The following SYN2 variants were observed in gnomAD, a reference collection of about 807,000 sequenced individuals.
The protein encoded by SYN2 is synapsin-2.
SYN2 carries 19 observed loss-of-function variants against 50.9 expected under a neutral mutation model. The observed-to-expected ratio is 0.37, with a 90% CI of 0.26 to 0.55. The LOEUF is 0.55. Among genes scored for constraint, SYN2 ranks in the 20% least tolerant of loss-of-function variants. The probability of loss-of-function intolerance (pLI) is 0.81; values close to 1 mark genes in which losing one functional copy is unlikely to be tolerated. For synonymous variants in SYN2, 255 were observed against 224.9 expected, an observed-to-expected ratio of 1.13 and a Z score of -1.20; for missense variants, 587 against 576.4, an observed-to-expected ratio of 1.02 and a Z score of -0.19.
intron 1 of SYN2, among the ~76,000 whole-genome samples, chr3:12,075,925 A>G (rs923445917): frequency 3.3e-4 from 50 of 152,146 alleles, no homozygotes; most frequent in African/African-American, 1.1e-3. Flanking sequence ...AATGCTTACT[A>G]TTTGCCAGTC....
intron 7 of SYN2, 111 bp downstream of exon 7, chr3:12,162,265 T>G: frequency 7.2e-7 from 1 of 1,384,494 alleles, no homozygotes; most frequent in South Asian, 1.5e-5. Flanking sequence ...TCAGAGATTT[T>G]TTTACCTGGG....
chr3:12,041,407 G>C (rs1308313192), intron 1 of SYN2, among the ~76,000 whole-genome samples: 2 of 152,196 alleles, frequency 1.3e-5, no homozygotes, highest in Non-Finnish European at 2.9e-5. Context: ...GCTTGCCTCT[G>C]TGTCCTCCAA....
intron 1 of SYN2, among the ~76,000 whole-genome samples, chr3:12,123,979 C>T (rs2125204445): frequency 6.6e-6 from 1 of 152,234 alleles, no homozygotes; most frequent in East Asian, 1.9e-4. Context: ...CCACTACACT[C>T]CAGCCTGGCA....
intron 1 of SYN2, among the ~76,000 whole-genome samples, chr3:12,020,900 T>C (rs307613): frequency 0.73 from 111,447 of 152,108 alleles, 41,081 homozygotes; most frequent in Admixed American, 0.8. Context: ...ATTATATCAG[T>C]ATGATTAAAG....
chr3:12,085,696 A>G (rs1227159068), intron 1 of SYN2, among the ~76,000 whole-genome samples: 2 of 152,216 alleles, frequency 1.3e-5, no homozygotes, highest in African/African-American at 4.8e-5. Context: ...AATAAAAAAT[A>G]TTTTAAGACA....
chr3:12,157,017 AGCCTAAAAAT>A (rs1254124118), intron 5 of SYN2: 1 of 1,002,208 alleles, frequency 1.0e-6, no homozygotes, highest in Admixed American at 2.3e-5. Flanking sequence ...CTCACTTCTC[AGCCTAAAAAT>A]GTAAGCAAAA....
chr3:12,122,201 G>C (rs896276912), intron 1 of SYN2, among the ~76,000 whole-genome samples: 1 of 152,154 alleles, frequency 6.6e-6, no homozygotes, highest in Non-Finnish European at 1.5e-5. Context: ...TGCTGAATTG[G>C]AGTATGCTTT....
At chr3:12,101,252 A>C (rs1278678544) in intron 1 of SYN2, among the ~76,000 whole-genome samples, 1 of 152,224 alleles carries the variant, frequency 6.6e-6, no homozygotes, top group Non-Finnish European at 1.5e-5. Context: ...TAACTGATCA[A>C]TGTATAAATA....
intron 1 of SYN2, among the ~76,000 whole-genome samples, chr3:12,100,791 A>G (rs888152943): frequency 5.9e-5 from 9 of 152,134 alleles, no homozygotes; most frequent in Non-Finnish European, 5.9e-5. Flanking sequence ...AAAACCCATG[A>G]AAAAATGACA....
At chr3:12,040,501 C>T (rs1194614792) in intron 1 of SYN2, among the ~76,000 whole-genome samples, 1 of 143,018 alleles carries the variant, frequency 7.0e-6, no homozygotes, top group East Asian at 2.1e-4. Flanking sequence ...GGCGTGATCT[C>T]GGCTCACTGC....
intron 1 of SYN2, among the ~76,000 whole-genome samples, chr3:12,122,600 A>G (rs1308206569): frequency 9.9e-5 from 15 of 152,190 alleles, no homozygotes; most frequent in Admixed American, 9.8e-4. Flanking sequence ...GGAGGACAAC[A>G]AGTTGTCCAT....
intron 1 of SYN2, among the ~76,000 whole-genome samples, chr3:12,050,767 C>G (rs1423174699): frequency 1.8e-5 from 2 of 111,956 alleles, no homozygotes; most frequent in Non-Finnish European, 3.4e-5. Context: ...CTCGCTCTGT[C>G]GCCCAGGCCG....
At chr3:12,176,950 T>G (rs1203253405) in intron 10 of SYN2, among the ~76,000 whole-genome samples, 1 of 152,074 alleles carries the variant, frequency 6.6e-6, no homozygotes, top group African/African-American at 2.4e-5. Context: ...ATGAGCAGCT[T>G]GTAAGGCACA....
At chr3:12,116,166 C>T (rs886937370) in intron 1 of SYN2, among the ~76,000 whole-genome samples, 3 of 152,088 alleles carry the variant, frequency 2.0e-5, no homozygotes, top group Non-Finnish European at 2.9e-5. Context: ...GAACCCATAG[C>T]CCGCAGACAG....
intron 9 of SYN2, among the ~76,000 whole-genome samples, chr3:12,169,034 T>A (rs1697875690): frequency 6.6e-6 from 1 of 152,186 alleles, no homozygotes; most frequent in African/African-American, 2.4e-5. Context: ...GAGTTGGTGG[T>A]ATTTCCAGGA....
At chr3:12,169,666 G>A (rs1224386390) in intron 9 of SYN2, 91 bp from the exon 10 acceptor site, 11 of 1,452,648 alleles carry the variant, frequency 7.6e-6, no homozygotes, top group Non-Finnish European at 1.0e-5. Flanking sequence ...GTCCATCTCT[G>A]CTGGCTTAAT....
chr3:12,049,525 A>AATAATAAT (rs534028144), intron 1 of SYN2, among the ~76,000 whole-genome samples: 2 of 8,602 alleles, frequency 2.3e-4, no homozygotes, highest in South Asian at 8.4e-3. Context: ...TCTCAAAAAA[A>AATAATAAT]AAAAAATAAT....
intron 5 of SYN2, among the ~76,000 whole-genome samples, chr3:12,154,822 A>G (rs897628075): frequency 1.3e-5 from 2 of 152,162 alleles, no homozygotes; most frequent in Non-Finnish European, 2.9e-5. Context: ...TGAAAATTAT[A>G]AAGTTGTCAG....
chr3:12,166,145 A>G (rs1331643329), intron 7 of SYN2, among the ~76,000 whole-genome samples: 1 of 152,188 alleles, frequency 6.6e-6, no homozygotes, highest in Non-Finnish European at 1.5e-5. Flanking sequence ...GTGGTTCTGA[A>G]AAATGAGCCA....
Sources: allele counts gnomAD v4.1 joint callset (sites outside exome capture counted in the v4.1 genomes callset), GRCh38; gene constraint gnomAD v4.1.1; transcripts MANE v1.5; gene names NCBI Gene and HGNC (gene_info 2026-07-23, HGNC 2026-07-21).